The following PRKG1 variants were observed in gnomAD, a reference collection of about 807,000 sequenced individuals.
PRKG1 encodes the protein protein kinase cGMP-dependent 1.
PRKG1 carries 35 observed loss-of-function variants against 88.1 expected under a neutral mutation model. The ratio of observed to expected loss-of-function variants is 0.40; its 90% confidence interval spans 0.30 to 0.53. The LOEUF (loss-of-function observed/expected upper bound fraction) is 0.53. Among genes scored for constraint, PRKG1 ranks in the 20% least tolerant of loss-of-function variants. PRKG1 has a pLI of 0.59. For missense variants in PRKG1, 540 were observed against 839.8 expected (o/e 0.64, Z 4.41); for synonymous variants, 303 against 292.5 (o/e 1.04, Z -0.37).
chr10:51,803,646 A>G (rs1839231882), intron 3 of PRKG1, among the ~76,000 whole-genome samples: 1 of 152,106 alleles, frequency 6.6e-6, no homozygotes, highest in African/African-American at 2.4e-5. Context: ...TGTTTGGCTC[A>G]ATTAACTATA....
At chr10:51,344,906 A>G (rs1383450842) in intron 2 of PRKG1, among the ~76,000 whole-genome samples, 1 of 152,194 alleles carries the variant, frequency 6.6e-6, no homozygotes, top group Non-Finnish European at 1.5e-5. Context: ...CACAAAATTC[A>G]TGCACAATAG....
intron 7 of PRKG1, chr10:52,081,470 C>T (rs1846773356): frequency 2.4e-6 from 1 of 415,930 alleles, no homozygotes; most frequent in Non-Finnish European, 4.8e-6. Flanking sequence ...TCTCTCCCCT[C>T]CTCACACCAC....
chr10:52,171,821 A>G, intron 9 of PRKG1, among the ~76,000 whole-genome samples: 1 of 90,850 alleles, frequency 1.1e-5, no homozygotes, highest in African/African-American at 6.0e-5. Context: ...TTTGAGACGG[A>G]GTCTCGCTCT....
intron 2 of PRKG1, among the ~76,000 whole-genome samples, chr10:51,441,829 G>C (rs957976343): frequency 6.6e-6 from 1 of 151,864 alleles, no homozygotes; most frequent in Non-Finnish European, 1.5e-5. Context: ...ACTCTCATCT[G>C]TCTTCAGCCA....
At chr10:51,852,100 T>G (rs995025067) in intron 4 of PRKG1, among the ~76,000 whole-genome samples, 1 of 150,434 alleles carries the variant, frequency 6.6e-6, no homozygotes, top group Non-Finnish European at 1.5e-5. Flanking sequence ...TAGATAAAAC[T>G]TAGACTTATA....
At chr10:51,510,903 C>CT (rs1841377938) in intron 3 of PRKG1, among the ~76,000 whole-genome samples, 1 of 146,866 alleles carries the variant, frequency 6.8e-6, no homozygotes, top group Non-Finnish European at 1.5e-5. Context: ...ACCACCACAC[C>CT]AGCTTATTTT....
chr10:51,076,905 G>C (rs569009780), intron 1 of PRKG1, among the ~76,000 whole-genome samples: 1 of 152,218 alleles, frequency 6.6e-6, no homozygotes, highest in African/African-American at 2.4e-5. Flanking sequence ...TATTTTAAAG[G>C]ACTCAGCTCT....
chr10:51,811,586 C>A (rs1408818900), intron 4 of PRKG1, among the ~76,000 whole-genome samples: 1 of 152,106 alleles, frequency 6.6e-6, no homozygotes, highest in African/African-American at 2.4e-5. Flanking sequence ...CCTCACATCA[C>A]CCAGAAAATT....
At chr10:51,592,651 TCTC>T (rs1838341740) in intron 3 of PRKG1, among the ~76,000 whole-genome samples, 1 of 152,140 alleles carries the variant, frequency 6.6e-6, no homozygotes, top group Admixed American at 6.6e-5. Flanking sequence ...CAACTTCCCT[TCTC>T]CTTCTCATTT....
intron 4 of PRKG1, among the ~76,000 whole-genome samples, chr10:51,830,554 T>G (rs1177523043): frequency 2.1e-5 from 2 of 93,580 alleles, no homozygotes; most frequent in African/African-American, 2.0e-4. Flanking sequence ...AAGTGTTTTT[T>G]TTTTTGTTTT....
At chr10:52,027,871 C>T (rs751278377) in intron 5 of PRKG1, among the ~76,000 whole-genome samples, 12 of 152,156 alleles carry the variant, frequency 7.9e-5, no homozygotes, top group Non-Finnish European at 1.8e-4. Context: ...TCATTTCAAC[C>T]TCCACCTCCT....
chr10:51,234,175 A>G lies in PRKG1; in HGVS notation c.478+80845A>G, dbSNP rs901423216. 7.2e-5 allele frequency among the ~76,000 whole-genome samples: 11 copies of G among 152,150 alleles called. No homozygotes were observed. In the East Asian group the frequency reaches 2.1e-3, roughly 29 times the overall value. On this transcript the variant is annotated intron_variant, in intron 2 of 17. Transcript: ENST00000373980. ...TTTCTGAATTCATCAAAGGTTTTCA[A>G]AGATCCTCTCGCCTTTTGAGATTCT...
chr10:51,281,694 A>T (rs1486944145), intron 2 of PRKG1, among the ~76,000 whole-genome samples: 4 of 152,170 alleles, frequency 2.6e-5, no homozygotes, highest in Non-Finnish European at 5.9e-5. Flanking sequence ...CTGTTAGAAG[A>T]TGAAATTTTC....
chr10:52,232,755 A>G (rs1840556854), intron 9 of PRKG1, among the ~76,000 whole-genome samples: 3 of 152,142 alleles, frequency 2.0e-5, no homozygotes, highest in African/African-American at 7.2e-5. Context: ...AAGTCCCTCA[A>G]CTTCCTCCTA....
chr10:52,147,743 C>T (rs1837772994), intron 8 of PRKG1, among the ~76,000 whole-genome samples: 1 of 152,076 alleles, frequency 6.6e-6, no homozygotes, highest in Non-Finnish European at 1.5e-5. Flanking sequence ...AGAGAGATTG[C>T]AAAGGTAGAC....
chr10:51,896,379 C>T (rs779425341), intron 4 of PRKG1, among the ~76,000 whole-genome samples: 1 of 151,974 alleles, frequency 6.6e-6, no homozygotes, highest in Non-Finnish European at 1.5e-5. Context: ...TTTGCCACAA[C>T]TCTATGCAGA....
intron 9 of PRKG1, among the ~76,000 whole-genome samples, chr10:52,177,648 T>C (rs1838901179): frequency 6.6e-6 from 1 of 152,088 alleles, no homozygotes; most frequent in Admixed American, 6.5e-5. Flanking sequence ...TTGGGAAACT[T>C]TTATTACTGA....
intron 3 of PRKG1, among the ~76,000 whole-genome samples, chr10:51,496,788 A>G (rs939002140): frequency 1.3e-5 from 2 of 152,026 alleles, no homozygotes; most frequent in Non-Finnish European, 2.9e-5. Context: ...GGTTAGTAAA[A>G]CCCTGTTAAA....
intron 3 of PRKG1, among the ~76,000 whole-genome samples, chr10:51,536,533 G>C (rs1842154934): frequency 6.6e-6 from 1 of 152,018 alleles, no homozygotes; most frequent in Non-Finnish European, 1.5e-5. Flanking sequence ...AAGCTCTTTA[G>C]TTTATTTAGG....
Sources: allele counts gnomAD v4.1 joint callset (sites outside exome capture counted in the v4.1 genomes callset), GRCh38; gene constraint gnomAD v4.1.1; transcripts MANE v1.5; gene names NCBI Gene and HGNC (gene_info 2026-07-23, HGNC 2026-07-21).